The following ASTN2 variants were observed in gnomAD, a reference collection of about 807,000 sequenced individuals.
ASTN2 encodes astrotactin 2.
A neutral mutation model predicts 139.8 loss-of-function variants in ASTN2; 54 were observed. The ratio of observed to expected loss-of-function variants is 0.39; its 90% confidence interval spans 0.31 to 0.48. The LOEUF is 0.48. Ranked by LOEUF, ASTN2 falls within the 20% of genes least tolerant of loss-of-function variation. The probability of loss-of-function intolerance (pLI) is 0.95; values close to 1 mark genes in which losing one functional copy is unlikely to be tolerated. For missense variants in ASTN2, 1,565 were observed against 1,725.1 expected (o/e 0.91, Z 1.64); for synonymous variants, 756 against 719.5 (o/e 1.05, Z -0.81).
intron 11 of ASTN2, among the ~76,000 whole-genome samples, chr9:116,857,777 T>C (rs918427108): frequency 2.6e-5 from 4 of 152,208 alleles, no homozygotes; most frequent in African/African-American, 9.7e-5. Context: ...TGATCACACA[T>C]TCTTTGCTAC....
intron 14 of ASTN2, among the ~76,000 whole-genome samples, chr9:116,732,035 T>A (rs936501066): frequency 2.0e-5 from 3 of 152,220 alleles, no homozygotes; most frequent in Admixed American, 1.3e-4. Flanking sequence ...AAGGAAGGCA[T>A]AGAAATTTTT....
intron 19 of ASTN2, among the ~76,000 whole-genome samples, chr9:116,497,323 T>C (rs1849699378): frequency 6.6e-6 from 1 of 152,158 alleles, no homozygotes; most frequent in South Asian, 2.1e-4. Flanking sequence ...TAGGACAAAC[T>C]TGTTAGCCTC....
At chr9:117,393,029 C>A (rs1830581212) in intron 1 of ASTN2, among the ~76,000 whole-genome samples, 1 of 152,194 alleles carries the variant, frequency 6.6e-6, no homozygotes, top group Non-Finnish European at 1.5e-5. Flanking sequence ...CATTTGGTAA[C>A]AGGAGTAGAC....
intron 5 of ASTN2, among the ~76,000 whole-genome samples, chr9:117,065,694 C>T (rs991097739): frequency 3.3e-5 from 5 of 152,140 alleles, no homozygotes; most frequent in African/African-American, 1.2e-4. Context: ...TGACCTAATC[C>T]TTGTACTCTT....
intron 19 of ASTN2, among the ~76,000 whole-genome samples, chr9:116,534,450 T>C (rs992557503): frequency 6.6e-6 from 1 of 152,214 alleles, no homozygotes; most frequent in African/African-American, 2.4e-5. Flanking sequence ...TTAATTATGA[T>C]GTTAGGGTGT....
intron 17 of ASTN2, among the ~76,000 whole-genome samples, chr9:116,649,249 A>G (rs1178318123): frequency 6.6e-6 from 1 of 151,872 alleles, no homozygotes; most frequent in Non-Finnish European, 1.5e-5. Flanking sequence ...GCTTTAACTT[A>G]AAGAAGGGAG....
intron 10 of ASTN2, among the ~76,000 whole-genome samples, chr9:116,887,354 A>G (rs1030538776): frequency 1.3e-5 from 2 of 151,848 alleles, no homozygotes; most frequent in African/African-American, 4.8e-5. Context: ...GCCTGGGGAG[A>G]AGGGACAAGC....
At chr9:116,738,173 C>T (rs1381598689) in intron 13 of ASTN2, among the ~76,000 whole-genome samples, 1 of 138,330 alleles carries the variant, frequency 7.2e-6, no homozygotes, top group Non-Finnish European at 1.5e-5. Flanking sequence ...GCCTGGGCGA[C>T]AGAGCGAGAC....
chr9:117,324,049 A>G (rs1828429388), intron 1 of ASTN2, among the ~76,000 whole-genome samples: 3 of 152,284 alleles, frequency 2.0e-5, no homozygotes, highest in Admixed American at 2.0e-4. Context: ...CAGCCCATAC[A>G]GTACATAATC....
At chr9:116,621,683 G>A (rs115494532) in intron 17 of ASTN2, among the ~76,000 whole-genome samples, 182 of 152,300 alleles carry the variant, frequency 1.2e-3, no homozygotes, top group African/African-American at 4.2e-3. Flanking sequence ...GCAAGGGCCA[G>A]GCCTTATTCA....
chr9:116,511,827 T>C (rs1179551086), intron 19 of ASTN2, among the ~76,000 whole-genome samples: 1 of 152,222 alleles, frequency 6.6e-6, no homozygotes, highest in African/African-American at 2.4e-5. Context: ...GTAGTATGTA[T>C]CTCTGTGGGA....
chr9:116,856,964 T>C (rs1832756462), intron 11 of ASTN2, among the ~76,000 whole-genome samples: 1 of 152,238 alleles, frequency 6.6e-6, no homozygotes, highest in Non-Finnish European at 1.5e-5. Context: ...TAGTCCTTTC[T>C]ATGAAGGCCT....
Position 117,415,055 on chromosome 9 carries a change from A to T in ASTN2, c.-117T>A, listed in dbSNP as rs1831294192. ...GAAGCGAACCAGGACGCCCGAGCTA[A>T]GGAGCGGAGAGAGCCGCTCGCCAGC... On this transcript the variant is annotated 5_prime_UTR_variant, in exon 1 of 23. Transcript: ENST00000313400. 5.8e-6 allele frequency: 1 copy of T among 171,718 alleles called. No individual in the cohort carries two copies. The highest frequency in any genetic ancestry group is 2.4e-5 in the African/African-American group (1 of 41,832). 10.6% of individuals were successfully genotyped at this position (171,718 alleles called of 1,614,324 possible).
At chr9:117,186,940 C>G (rs1012043253) in intron 3 of ASTN2, among the ~76,000 whole-genome samples, 2 of 152,254 alleles carry the variant, frequency 1.3e-5, no homozygotes, top group Non-Finnish European at 1.5e-5. Flanking sequence ...ACTGGCCTGG[C>G]CAACATGGTG....
At chr9:116,572,801 G>C (rs1399925829) in intron 19 of ASTN2, among the ~76,000 whole-genome samples, 1 of 152,184 alleles carries the variant, frequency 6.6e-6, no homozygotes, top group African/African-American at 2.4e-5. Context: ...GGAGACCCAA[G>C]GGTTCCAGTT....
chr9:116,428,224 G>C (rs1847370486), intron 22 of ASTN2, among the ~76,000 whole-genome samples: 1 of 152,174 alleles, frequency 6.6e-6, no homozygotes, highest in Non-Finnish European at 1.5e-5. Context: ...ATAGGAGTTA[G>C]ATAAAGAAGA....
chr9:116,856,716 A>G (rs888103643), intron 11 of ASTN2, among the ~76,000 whole-genome samples: 3 of 152,238 alleles, frequency 2.0e-5, no homozygotes, highest in Non-Finnish European at 2.9e-5. Flanking sequence ...CAGGGATCCT[A>G]TGATCTTTCC....
At chr9:116,880,550 G>T (rs978535716) in intron 10 of ASTN2, among the ~76,000 whole-genome samples, 1 of 152,142 alleles carries the variant, frequency 6.6e-6, no homozygotes. Context: ...TTGCCCTTGC[G>T]CAAATGACCT....
At chr9:116,573,732 G>A (rs1157352804) in intron 19 of ASTN2, among the ~76,000 whole-genome samples, 1 of 152,178 alleles carries the variant, frequency 6.6e-6, no homozygotes, top group African/African-American at 2.4e-5. Flanking sequence ...AATGACAGAT[G>A]AGAAGAGAGA....
Sources: allele counts gnomAD v4.1 joint callset (sites outside exome capture counted in the v4.1 genomes callset), GRCh38; gene constraint gnomAD v4.1.1; transcripts MANE v1.5; gene names NCBI Gene and HGNC (gene_info 2026-07-23, HGNC 2026-07-21).